HOXA10: variants seen among roughly 807,000 people sequenced by gnomAD.
HOXA10 encodes homeobox protein Hox-A10.
In HOXA10, 12 loss-of-function variants were observed where a neutral mutation model predicts 29.7. The ratio of observed to expected loss-of-function variants is 0.40; its 90% CI spans 0.26 to 0.65. HOXA10 has a LOEUF of 0.65. Ranked by LOEUF, HOXA10 falls within the 30% of genes least tolerant of loss-of-function variation. The probability of loss-of-function intolerance (pLI) is 0.37; values close to 1 mark genes in which losing one functional copy is unlikely to be tolerated. For synonymous variants in HOXA10, 327 were observed against 280.7 expected, an observed-to-expected ratio of 1.16 and a Z score of -1.65; for missense variants, 656 against 585.9, an observed-to-expected ratio of 1.12 and a Z score of -1.24.
chr7:27,172,793 C>T (rs1024586283), intron 1 of HOXA10: 2 of 164,406 alleles, frequency 1.2e-5, no homozygotes, highest in Non-Finnish European at 2.6e-5. Flanking sequence ...CAGCTCAGGG[C>T]CCCCCGCTTC....
rs982138485 is a variant in HOXA10 at position 27,173,615 on chromosome 7, C to T, written c.692G>A (p.Gly231Asp). Reference sequence around the variant, plus strand: ...GCCAGCCCCGAGTTGCTGCGCGCCGCCGCCGCCGCTGCCATAGCCCTTGGC... The same window carrying T: ...GCCAGCCCCGAGTTGCTGCGCGCCGTCGCCGCCGCTGCCATAGCCCTTGGC... ...GTAKGYGSGG[G>D]GAQQLGAGPF... The change falls in exon 1 of 2, where the codon GGC (glycine) becomes GAC (aspartate). Residue 231 changes from glycine to aspartate, a missense_variant. Physicochemically the swap from Gly to Asp is moderately conservative, Grantham distance 94 (BLOSUM62 -1). Coordinates refer to ENST00000283921, the MANE Select transcript of HOXA10 (RefSeq NM_018951.4). 4.6e-5 allele frequency: 70 copies of T among 1,533,540 alleles called. No homozygotes were observed. The highest frequency in any genetic ancestry group is 4.1e-4 in the Middle Eastern group (2 of 4,890). The allele number at this position is 1,533,540 out of a possible 1,614,324, so 95.0% of individuals were successfully genotyped here.
rs1783570436 is a variant in HOXA10, at chr7:27,173,589, G to A, written c.718C>T (p.Pro240Ser). Reference sequence around the variant, plus strand: ...CGCCCCGGGGGCTGCGCGGGGAACGGGCCAGCCCCGAGTTGCTGCGCGCCG... The same window carrying A: ...CGCCCCGGGGGCTGCGCGGGGAACGAGCCAGCCCCGAGTTGCTGCGCGCCG... ...GGGAQQLGAGPFPAQPPGRGF... is the reference protein window; with the variant it reads ...GGGAQQLGAGSFPAQPPGRGF... The change falls in exon 1 of 2, where the codon CCG (proline) becomes TCG (serine). Residue 240 changes from proline (P) to serine (S), a missense_variant. This residue lies in a region of HOXA10 where 594 missense variants were observed against 491.9 expected (regional missense o/e 1.21). Coordinates refer to ENST00000283921, the MANE Select transcript of HOXA10 (RefSeq NM_018951.4). 2.0e-6 allele frequency: 3 copies of A among 1,523,128 alleles called. No homozygotes were observed. The highest frequency in any genetic ancestry group is 1.8e-6 in the Non-Finnish European group (2 of 1,138,058). The allele number at this position is 1,523,128 out of a possible 1,614,324, so 94.4% of individuals were successfully genotyped here. A position where few individuals can be genotyped will look rare whatever the true frequency, so the allele number is the denominator to read the frequency against.
chr7:27,171,312 A>T lies in HOXA10; in HGVS notation c.*587T>A, dbSNP rs1032306349. On this transcript the variant is annotated 3_prime_UTR_variant, in exon 2 of 2. Transcript: ENST00000283921. ...CTTTCTCACTTTTTAAATCAGCCAAAGTCAAGCCCGTTTGCCAACCTGCAT... is the reference window on the plus strand; with the variant it reads ...CTTTCTCACTTTTTAAATCAGCCAATGTCAAGCCCGTTTGCCAACCTGCAT... 7 of 454,152 alleles carry T rather than the reference A, an allele frequency of 1.5e-5. No individual in the cohort carries two copies. Among genetic ancestry groups the T allele is most frequent in the Non-Finnish European group, 2.6e-5 (6 of 226,806 alleles). 28.1% of individuals were successfully genotyped at this position (454,152 alleles called of 1,614,324 possible).
chr7:27,175,347 G>A (rs908122870), upstream of HOXA10, among the ~76,000 whole-genome samples: 1 of 152,140 alleles, frequency 6.6e-6, no homozygotes, highest in African/African-American at 2.4e-5. Flanking sequence ...ATATGCTCCT[G>A]GAGGCTACAA....
upstream of HOXA10, among the ~76,000 whole-genome samples, chr7:27,179,249 G>T (rs955118437): frequency 5.9e-5 from 9 of 151,518 alleles, no homozygotes; most frequent in African/African-American, 2.2e-4. Flanking sequence ...CTTAGCGGCC[G>T]CAGACTTCTA....
upstream of HOXA10, among the ~76,000 whole-genome samples, chr7:27,178,931 C>T (rs1041293787): frequency 1.3e-5 from 2 of 152,200 alleles, no homozygotes; most frequent in Admixed American, 1.3e-4. Flanking sequence ...AATTTATCCT[C>T]GGTTCCAGCT....
In HOXA10 at chr7:27,171,762, TA is replaced by T. The variant is rs759800102; in HGVS notation, c.*136del. 1.1e-6 allele frequency: 1 copy of T among 884,558 alleles called. No individual in the cohort carries two copies. The highest frequency in any genetic ancestry group is 1.9e-6 in the Non-Finnish European group (1 of 517,644). The allele number at this position is 884,558 out of a possible 1,614,324, so 54.8% of individuals were successfully genotyped here. A position where few individuals can be genotyped will look rare whatever the true frequency, so the allele number is the denominator to read the frequency against. ...AGAACAAACCAGCCCTGCACAGATG[TA>T]ACGGCCCAGGAGATGGCGAGTGTGG... On this transcript the variant is annotated 3_prime_UTR_variant, in exon 2 of 2. Coordinates refer to ENST00000283921, the MANE Select transcript of HOXA10 (RefSeq NM_018951.4).
At chr7:27,178,569 T>C (rs1413050015), upstream of HOXA10, among the ~76,000 whole-genome samples, 3 of 152,246 alleles carry the variant, frequency 2.0e-5, no homozygotes, top group African/African-American at 7.2e-5. Flanking sequence ...GCTCTGGCAT[T>C]GTAGGGAGGG....
chr7:27,179,581 A>G (rs1783716305), intron 1 of HOXA10: 1 of 754,528 alleles, frequency 1.3e-6, no homozygotes, highest in African/African-American at 1.7e-5. Context: ...AGCCCTGCTT[A>G]GACATCGGCC....
In HOXA10 at chr7:27,170,971, A is replaced by AT. The variant is rs1434956109; in HGVS notation, c.*927_*928insA. ...AGAAAGCAAAAACAAACAAAAAAAA[A>AT]ACTTTTTGTTCAAGGCGATTTAAAA... is the stretch of plus-strand genomic sequence containing the variant. On this transcript the variant is annotated 3_prime_UTR_variant, in exon 2 of 2. Transcript: ENST00000283921. The AT allele has an allele frequency of 2.2e-6, 1 of 453,756 alleles. No individual in the cohort carries two copies. The highest frequency in any genetic ancestry group is 6.9e-5 in the East Asian group (1 of 14,402). 28.1% of individuals were successfully genotyped at this position (453,756 alleles called of 1,614,324 possible).
At position 27,179,764 on chromosome 7, in the gene HOXA10, G is replaced by A. The variant is rs189908054; in HGVS notation, c.-109C>T. The A allele has an allele frequency of 4.4e-4, 317 of 718,826 alleles. 4 individuals carry two copies. The highest frequency in any genetic ancestry group is 3.8e-3 in the East Asian group (144 of 37,510). 44.5% of individuals were successfully genotyped at this position (718,826 alleles called of 1,614,324 possible). On this transcript the variant is annotated 5_prime_UTR_variant, in exon 1 of 2. Transcript: ENST00000396344. The stretch of plus-strand genomic sequence containing the variant: ...ACCATACCAATCACTTCTTGAGGGT[G>A]AGTCCCCTTTTTCTGTTATGAAGGG...
chr7:27,178,457 C>T (rs1254828977), upstream of HOXA10, among the ~76,000 whole-genome samples: 2 of 152,246 alleles, frequency 1.3e-5, no homozygotes, highest in South Asian at 2.1e-4. Context: ...GATGGCCCTT[C>T]CCCTGTTAGG....
At position 27,171,813 on chromosome 7, in the gene HOXA10, A is replaced by G. The variant is rs768275709; in HGVS notation, c.*86T>C. 3 of 1,349,606 alleles carry G rather than the reference A, an allele frequency of 2.2e-6. No individual in the cohort carries two copies. The allele number at this position is 1,349,606 out of a possible 1,614,324, so 83.6% of individuals were successfully genotyped here. ...GGAGGGAGGAACAGGGCTCCAGCACAGGTGCGAGTTCCTGGGCAGAGCCTG... is the reference window on the plus strand; with the variant it reads ...GGAGGGAGGAACAGGGCTCCAGCACGGGTGCGAGTTCCTGGGCAGAGCCTG... On this transcript the variant is annotated 3_prime_UTR_variant, in exon 2 of 2. Coordinates refer to ENST00000283921, the MANE Select transcript of HOXA10 (RefSeq NM_018951.4).
rs144045718 is a variant in HOXA10, at chr7:27,172,081, G to T, written c.1051C>A (p.Leu351Met). The part of the protein sequence containing the change: ...CPYTKHQTLE[L>M]EKEFLFNMYL... ...ATATTGAACAGAAACTCCTTCTCCA[G>T]CTCCAGTGTCTGGTGCTTCGTGTAG... Residue 351 changes from leucine to methionine, a missense_variant, in exon 2 of 2, where the codon CTG becomes ATG. This residue lies in a region of HOXA10 where 62 missense variants were observed against 94.0 expected (regional missense o/e 0.66). Transcript: ENST00000283921. 2.5e-6 allele frequency: 4 copies of T among 1,614,052 alleles called. No homozygotes were observed. The highest frequency in any genetic ancestry group is 3.4e-6 in the Non-Finnish European group (4 of 1,180,016).
rs997717349 is a variant in HOXA10, at chr7:27,171,204, C to A, written c.*695G>T. On this transcript the variant is annotated 3_prime_UTR_variant, in exon 2 of 2. Coordinates refer to ENST00000283921, the MANE Select transcript of HOXA10 (RefSeq NM_018951.4). ...ACCTTACAGAAACTGGAAGAGAAGTCCCCTTCTCTTGGTAATTCTTTTTTT... is the reference window on the plus strand; with the variant it reads ...ACCTTACAGAAACTGGAAGAGAAGTACCCTTCTCTTGGTAATTCTTTTTTT... 6.6e-6 allele frequency: 3 copies of A among 454,060 alleles called. No individual in the cohort carries two copies. Among genetic ancestry groups the A allele is most frequent in the Non-Finnish European group, 8.8e-6 (2 of 226,776 alleles). The allele number at this position is 454,060 out of a possible 1,614,324, so 28.1% of individuals were successfully genotyped here.
chr7:27,172,039 G>A lies in HOXA10; in HGVS notation c.1093C>T (p.Arg365Trp). The A allele has an allele frequency of 6.2e-7, 1 of 1,613,960 alleles. No individual in the cohort carries two copies. Among genetic ancestry groups the A allele is most frequent in the Non-Finnish European group, 8.5e-7 (1 of 1,179,922 alleles). Reference sequence around the variant, plus strand: ...ACGCTGCGGCTAATCTCTAGGCGCCGCTCTCGAGTAAGGTACATATTGAAC... The same window carrying A: ...ACGCTGCGGCTAATCTCTAGGCGCCACTCTCGAGTAAGGTACATATTGAAC... ...FLFNMYLTRE[R>W]RLEISRSVHL... is the part of the protein sequence containing the mutation. Residue 365 changes from arginine to tryptophan, a missense_variant, in exon 2 of 2, where the codon CGG becomes TGG. By Grantham distance (101) the Arg-to-Trp change is moderately radical. Around this residue, in one of 2 missense-constraint regions of HOXA10, gnomAD observed 62 missense variants for 94.0 expected, o/e 0.66. Transcript: ENST00000283921.
Position 27,171,131 on chromosome 7 carries a change from A to C in HOXA10, c.*768T>G, listed in dbSNP as rs781663521. 3.7e-4 allele frequency: 167 copies of C among 452,852 alleles called. No individual in the cohort carries two copies. The highest frequency in any genetic ancestry group is 7.5e-5 in the Non-Finnish European group (17 of 226,456). The allele number at this position is 452,852 out of a possible 1,614,324, so 28.1% of individuals were successfully genotyped here. The stretch of plus-strand genomic sequence containing the variant: ...ACATTATTTATCTACAGCCAGAAGG[A>C]TATGGAAATTTAGAGGTAAATGAAA... On this transcript the variant is annotated 3_prime_UTR_variant, in exon 2 of 2. Transcript: ENST00000283921.
rs750865808 is a variant in HOXA10 at position 27,171,096 on chromosome 7, A to G, written c.*803T>C. The G allele has an allele frequency of 1.1e-5, 5 of 449,278 alleles. No individual in the cohort carries two copies. The highest frequency in any genetic ancestry group is 8.0e-5 in the South Asian group (5 of 62,542). 27.8% of individuals were successfully genotyped at this position (449,278 alleles called of 1,614,324 possible). ...AAAAATCCACTAATTCCAAATGCAT[A>G]AACAAAACTACATTATTTATCTACA... On this transcript the variant is annotated 3_prime_UTR_variant, in exon 2 of 2. Transcript: ENST00000283921.
intron 1 of HOXA10, chr7:27,173,083 G>C (rs1397679436): frequency 1.1e-5 from 6 of 558,230 alleles, no homozygotes; most frequent in Non-Finnish European, 1.9e-5. Context: ...CGCACAGGAG[G>C]GGGCCTGCTC....
Sources: allele counts gnomAD v4.1 joint callset (sites outside exome capture counted in the v4.1 genomes callset), GRCh38; gene constraint gnomAD v4.1.1; regional missense constraint gnomAD v4.1.1; transcripts MANE v1.5; gene names NCBI Gene and HGNC (gene_info 2026-07-23, HGNC 2026-07-21).